CX3CR1: variants seen among roughly 807,000 people sequenced by gnomAD.
CX3CR1 encodes C-X3-C motif chemokine receptor 1.
For missense variants in CX3CR1, 363 were observed against 432.4 expected, an observed-to-expected ratio of 0.84 and a Z score of 1.42; for synonymous variants, 168 against 178.5, an observed-to-expected ratio of 0.94 and a Z score of 0.47.
At chr3:39,282,306 G>T (rs907196259), upstream of CX3CR1, among the ~76,000 whole-genome samples, 2 of 152,128 alleles carry the variant, frequency 1.3e-5, no homozygotes, top group African/African-American at 2.4e-5. Context: ...CTGAACTCTT[G>T]TTCAACCCCT....
upstream of CX3CR1, chr3:39,281,001 C>T (rs1441405032): frequency 1.2e-6 from 1 of 820,224 alleles, no homozygotes; most frequent in Non-Finnish European, 1.5e-6. Context: ...CCCCTCTGGC[C>T]CCTTGCTGCC....
chr3:39,265,619 C>G lies in CX3CR1; in HGVS notation c.891G>C (p.Gly297=). 1 of 1,614,184 alleles carries G rather than the reference C, an allele frequency of 6.2e-7. No individual in the cohort carries two copies. The highest frequency in any genetic ancestry group is 8.5e-7 in the Non-Finnish European group (1 of 1,180,032). Residue 297 remains glycine (G), a synonymous_variant, in exon 2 of 2, where the codon GGG becomes GGC. Coordinates refer to ENST00000399220, the MANE Select transcript of CX3CR1 (RefSeq NM_001337.4). ...CLNPLIYAFA[G]EKFRRYLYHL... ...GGTAAAGGTATCTTCTGAACTTCTC[C>G]CCAGCAAATGCATAGATGAGAGGAT...
chr3:39,269,021 C>T (rs1326017352), intron 1 of CX3CR1, among the ~76,000 whole-genome samples: 2 of 151,602 alleles, frequency 1.3e-5, no homozygotes, highest in East Asian at 1.9e-4. Context: ...TTTTTTTTTC[C>T]CCCTGAAATA....
the CX3CR1 span, among the ~76,000 whole-genome samples, chr3:39,290,505 A>T: frequency 1.3e-5 from 2 of 152,220 alleles, no homozygotes; most frequent in Non-Finnish European, 2.9e-5. Context: ...CTAAATGTGA[A>T]TGTAAAAGGA....
chr3:39,269,708 G>A (rs1025555590), intron 1 of CX3CR1, among the ~76,000 whole-genome samples: 8 of 152,182 alleles, frequency 5.3e-5, no homozygotes, highest in African/African-American at 1.7e-4. Context: ...CGAACACTCT[G>A]CAGCCCTCAT....
intron 1 of CX3CR1, among the ~76,000 whole-genome samples, chr3:39,267,377 T>C (rs2040717094): frequency 6.6e-6 from 1 of 152,190 alleles, no homozygotes; most frequent in South Asian, 2.1e-4. Flanking sequence ...ACCCAGAGCC[T>C]TGGGCAGAAC....
chr3:39,266,448 C>T lies in CX3CR1; in HGVS notation c.62G>A (p.Cys21Tyr). 1 of 1,614,190 alleles carries T rather than the reference C, an allele frequency of 6.2e-7. No individual in the cohort carries two copies. The change falls in exon 2 of 2, where the codon TGT (cysteine) becomes TAT (tyrosine). Residue 21 changes from cysteine to tyrosine, a missense_variant. Transcript: ENST00000399220. ...AAAGACCACGATGTCCCCAATATAA[C>T]AGGCCTCAGCCAAATCATCGTACTC... ...NFEYDDLAEA[C>Y]YIGDIVVFGT...
chr3:39,282,237 A>G (rs1431293254), upstream of CX3CR1, among the ~76,000 whole-genome samples: 1 of 151,958 alleles, frequency 6.6e-6, no homozygotes, highest in Non-Finnish European at 1.5e-5. Context: ...CCCTCCCTCC[A>G]CGCCTCCTTG....
At chr3:39,281,291 C>A, upstream of CX3CR1, 1 of 1,117,206 alleles carries the variant, frequency 9.0e-7, no homozygotes, top group Non-Finnish European at 1.1e-6. Flanking sequence ...GGCCGCTCCC[C>A]ATCCACTTTC....
At chr3:39,271,988 G>T (rs756785046) in intron 1 of CX3CR1, among the ~76,000 whole-genome samples, 1 of 152,216 alleles carries the variant, frequency 6.6e-6, no homozygotes, top group Non-Finnish European at 1.5e-5. Flanking sequence ...CCTGCCAGAG[G>T]TCTAATTGGT....
At chr3:39,269,950 AT>A (rs1411739095) in intron 1 of CX3CR1, among the ~76,000 whole-genome samples, 1 of 152,240 alleles carries the variant, frequency 6.6e-6, no homozygotes, top group Admixed American at 6.5e-5. Context: ...ATTGAGGGAC[AT>A]TTTTGATCTT....
chr3:39,274,355 T>C (rs1055550565), intron 1 of CX3CR1, among the ~76,000 whole-genome samples: 5 of 152,062 alleles, frequency 3.3e-5, no homozygotes, highest in African/African-American at 1.2e-4. Context: ...CCATCCCCTA[T>C]GCAAGTAAAT....
the CX3CR1 span, among the ~76,000 whole-genome samples, chr3:39,290,644 G>A: frequency 7.2e-5 from 11 of 152,242 alleles, no homozygotes; most frequent in East Asian, 5.8e-4. Flanking sequence ...AGATAGGGCC[G>A]GGCGCAGTGG....
At chr3:39,280,866 C>T (rs564500128), upstream of CX3CR1, among the ~76,000 whole-genome samples, 17 of 152,348 alleles carry the variant, frequency 1.1e-4, no homozygotes, top group African/African-American at 3.8e-4. Flanking sequence ...CATCACCTTC[C>T]GATCACTTCA....
At chr3:39,275,114 A>G (rs2040824549) in intron 1 of CX3CR1, among the ~76,000 whole-genome samples, 2 of 152,312 alleles carry the variant, frequency 1.3e-5, no homozygotes, top group Non-Finnish European at 2.9e-5. Context: ...CACCCGCCTC[A>G]GCCTCTCAAA....
At chr3:39,282,888 ATGTTTT>A (rs56310839), upstream of CX3CR1, among the ~76,000 whole-genome samples, 1 of 151,984 alleles carries the variant, frequency 6.6e-6, no homozygotes, top group African/African-American at 2.4e-5. Context: ...GCAGGTGCTA[ATGTTTT>A]TGTTTTTGTT....
At position 39,266,020 on chromosome 3, in the gene CX3CR1, G is replaced by C; in HGVS notation, c.490C>G (p.Gln164Glu). ...WAAAILVAAP[Q>E]FMFTKQKENE... ...TCTTTCTGCTTTGTGAACATGAACT[G>C]GGGTGCTGCCACCAAAATGGCTGCT... The change falls in exon 2 of 2, where the codon CAG (glutamine) becomes GAG (glutamate). Residue 164 changes from glutamine (Q) to glutamate (E), a missense_variant. Transcript: ENST00000399220. The C allele has an allele frequency of 6.2e-7, 1 of 1,614,184 alleles. No homozygotes were observed. The highest frequency in any genetic ancestry group is 8.5e-7 in the Non-Finnish European group (1 of 1,180,018).
At chr3:39,281,461 C>G, upstream of CX3CR1, 2 of 794,956 alleles carry the variant, frequency 2.5e-6, no homozygotes, top group Non-Finnish European at 4.0e-6. Context: ...TCTTCCTGTC[C>G]CACACTCTTG....
chr3:39,267,073 A>G (rs994369643), intron 1 of CX3CR1, among the ~76,000 whole-genome samples: 1 of 152,160 alleles, frequency 6.6e-6, no homozygotes, highest in Non-Finnish European at 1.5e-5. Flanking sequence ...CGTGAGCCAC[A>G]GCGCCCAGCC....
Sources: gnomAD v4.1 joint callset for allele counts (sites outside exome capture counted in the v4.1 genomes callset) on GRCh38, gnomAD v4.1.1 for gene constraint, MANE v1.5 for transcripts, NCBI Gene and HGNC (gene_info 2026-07-23, HGNC 2026-07-21) for gene names.